Variants in SPON1 observed in about 807,000 individuals in gnomAD.
SPON1 encodes the protein spondin-1.
In SPON1, 52 loss-of-function variants were observed where a neutral mutation model predicts 111.7. The ratio of observed to expected loss-of-function variants is 0.47; its 90% CI spans 0.37 to 0.59. The LOEUF (loss-of-function observed/expected upper bound fraction) is 0.59, where lower values mean the gene tolerates loss of function less well. SPON1 is among the 20% of genes least tolerant of loss of function. SPON1 has a pLI of 0.00. For synonymous variants in SPON1, 410 were observed against 395.8 expected (o/e 1.04, Z -0.43); for missense variants, 957 against 1,068.5 (o/e 0.90, Z 1.46).
At chr11:14,000,609 C>G (rs1394632286) in intron 2 of SPON1, among the ~76,000 whole-genome samples, 3 of 152,144 alleles carry the variant, frequency 2.0e-5, no homozygotes, top group African/African-American at 7.2e-5. Context: ...TGAAATGACA[C>G]TGACTTATGG....
intron 4 of SPON1, among the ~76,000 whole-genome samples, chr11:14,078,910 A>G (rs557536716): frequency 6.6e-6 from 1 of 152,324 alleles, no homozygotes; most frequent in South Asian, 2.1e-4. Context: ...GTAAATTCCA[A>G]AAGGAAGTCT....
intron 7 of SPON1, among the ~76,000 whole-genome samples, chr11:14,246,432 A>C (rs1411962202): frequency 1.3e-5 from 2 of 152,210 alleles, no homozygotes; most frequent in African/African-American, 4.8e-5. Flanking sequence ...AACAGTACCC[A>C]GCTGATTCTA....
At chr11:13,995,885 G>A (rs1554911746) in intron 2 of SPON1, among the ~76,000 whole-genome samples, 1 of 152,228 alleles carries the variant, frequency 6.6e-6, no homozygotes, top group African/African-American at 2.4e-5. Flanking sequence ...CAGCCTGCTA[G>A]ATGCTAAAAT....
At chr11:14,031,332 A>G (rs1215545415) in intron 2 of SPON1, among the ~76,000 whole-genome samples, 4 of 152,222 alleles carry the variant, frequency 2.6e-5, no homozygotes, top group Non-Finnish European at 5.9e-5. Flanking sequence ...ATATTTTTAA[A>G]AAGGATGCTA....
At position 14,180,822 on chromosome 11, in the gene SPON1, T is replaced by C. The variant is rs2133887151; in HGVS notation, c.825+45254T>C. Among the ~76,000 whole-genome samples, 3 of 152,334 alleles carry C rather than the reference T, an allele frequency of 2.0e-5. No homozygotes were observed. The South Asian group carries it at 6.2e-4, about 32-fold the overall frequency. On this transcript the variant is annotated intron_variant, in intron 6 of 15. Transcript: ENST00000576479. ...TCCTCAAAGGCAGAAAGGACACATCTTGATTTTCTTTGATCTCTTGATTTT... is the reference window on the plus strand; with the variant it reads ...TCCTCAAAGGCAGAAAGGACACATCCTGATTTTCTTTGATCTCTTGATTTT...
At chr11:14,195,552 TG>T (rs1232293586) in intron 6 of SPON1, among the ~76,000 whole-genome samples, 3 of 152,188 alleles carry the variant, frequency 2.0e-5, no homozygotes, top group Non-Finnish European at 4.4e-5. Flanking sequence ...GACTTGAGGG[TG>T]AAATGTCAGG....
At chr11:14,257,252 A>G (rs1849119350) in intron 10 of SPON1, among the ~76,000 whole-genome samples, 1 of 152,250 alleles carries the variant, frequency 6.6e-6, no homozygotes, top group African/African-American at 2.4e-5. Flanking sequence ...ATTAAATGGG[A>G]TAAAACATGT....
chr11:14,165,942 G>T lies in SPON1; in HGVS notation c.825+30374G>T, dbSNP rs535506434. ...AAGACTTTTTAAAAGGTGAGCCCAG[G>T]CATGGGTTTGTATCCTCAAATACCT... is the stretch of plus-strand genomic sequence containing the variant. On this transcript the variant is annotated intron_variant, in intron 6 of 15. Coordinates refer to ENST00000576479, the MANE Select transcript of SPON1 (RefSeq NM_006108.4). 3.3e-5 allele frequency among the ~76,000 whole-genome samples: 5 copies of T among 152,294 alleles called. No individual in the cohort carries two copies. The East Asian group carries it at 9.7e-4, about 29-fold the overall frequency.
At chr11:14,057,908 TAAG>T (rs1278806974) in intron 3 of SPON1, among the ~76,000 whole-genome samples, 1 of 150,892 alleles carries the variant, frequency 6.6e-6, no homozygotes, top group African/African-American at 2.4e-5. Flanking sequence ...TCCCAGCTAC[TAAG>T]GAGGCTGAGG....
chr11:14,223,853 C>T (rs985600266), intron 6 of SPON1, among the ~76,000 whole-genome samples: 15 of 152,186 alleles, frequency 9.9e-5, no homozygotes, highest in African/African-American at 3.6e-4. Context: ...TTAAATGTAA[C>T]AAGAAAACAC....
At chr11:14,189,124 A>G (rs1331299550) in intron 6 of SPON1, among the ~76,000 whole-genome samples, 1 of 152,232 alleles carries the variant, frequency 6.6e-6, no homozygotes, top group Non-Finnish European at 1.5e-5. Context: ...TGGAATGCAC[A>G]AAGAGGTTCA....
chr11:14,004,270 G>A (rs1848342532), intron 2 of SPON1, among the ~76,000 whole-genome samples: 1 of 152,054 alleles, frequency 6.6e-6, no homozygotes, highest in African/African-American at 2.4e-5. Context: ...TCCATATCCT[G>A]GCTATTGTTA....
At position 14,020,512 on chromosome 11, in the gene SPON1, G is replaced by A. The variant is rs149492377; in HGVS notation, c.346-21009G>A. ...AAAATTTGTATTAGTTTGGCACTGT[G>A]TGCCAAAATTTAAAATGCTCATACC... On this transcript the variant is annotated intron_variant, in intron 2 of 15. Transcript: ENST00000576479. Among the ~76,000 whole-genome samples the A allele has an allele frequency of 2.6e-5, 4 of 152,344 alleles. No individual in the cohort carries two copies. The East Asian group carries it at 7.7e-4, about 29-fold the overall frequency.
chr11:14,072,961 A>G (rs868909485), intron 3 of SPON1, among the ~76,000 whole-genome samples: 39 of 152,066 alleles, frequency 2.6e-4, no homozygotes, highest in Non-Finnish European at 4.9e-4. Flanking sequence ...CAGGTCGAGT[A>G]TTCCTTATCC....
At chr11:14,162,896 G>A (rs1229396811) in intron 6 of SPON1, among the ~76,000 whole-genome samples, 1 of 152,224 alleles carries the variant, frequency 6.6e-6, no homozygotes, top group African/African-American at 2.4e-5. Flanking sequence ...ACTACAGAGG[G>A]AATGGCAAGC....
intron 6 of SPON1, among the ~76,000 whole-genome samples, chr11:14,167,515 C>A (rs1214346976): frequency 2.4e-3 from 1 of 414 alleles, no homozygotes; most frequent in Non-Finnish European, 5.4e-3. Flanking sequence ...GAAAACAAAA[C>A]CATTTTCATT....
At chr11:14,079,584 G>A (rs1183565480) in intron 4 of SPON1, among the ~76,000 whole-genome samples, 2 of 152,120 alleles carry the variant, frequency 1.3e-5, no homozygotes, top group South Asian at 2.1e-4. Flanking sequence ...GGATGATTGA[G>A]TGAATTTTAC....
intron 6 of SPON1, among the ~76,000 whole-genome samples, chr11:14,150,077 C>G (rs1384637597): frequency 3.3e-5 from 5 of 151,924 alleles, no homozygotes; most frequent in Non-Finnish European, 5.9e-5. Flanking sequence ...CATAAGTGTC[C>G]ATCAACAAAT....
At chr11:14,180,810 A>G (rs1026993260) in intron 6 of SPON1, among the ~76,000 whole-genome samples, 1 of 152,236 alleles carries the variant, frequency 6.6e-6, no homozygotes, top group African/African-American at 2.4e-5. Flanking sequence ...TCAAAGGCAG[A>G]AAGGACACAT....
Sources: gnomAD v4.1 joint callset for allele counts (sites outside exome capture counted in the v4.1 genomes callset) on GRCh38, gnomAD v4.1.1 for gene constraint, MANE v1.5 for transcripts, NCBI Gene and HGNC (gene_info 2026-07-23, HGNC 2026-07-21) for gene names.